TPR: variants seen among roughly 807,000 people sequenced by gnomAD.
The protein encoded by TPR is nucleoprotein TPR.
A neutral mutation model predicts 316.1 loss-of-function variants in TPR; 51 were observed. The observed-to-expected ratio is 0.16, with a 90% CI of 0.13 to 0.20. TPR has a LOEUF of 0.20. Among genes scored for constraint, TPR ranks in the 10% least tolerant of loss-of-function variants. The probability of loss-of-function intolerance (pLI) is 1.00; values close to 1 mark genes in which losing one functional copy is unlikely to be tolerated. For synonymous variants in TPR, 981 were observed against 914.7 expected (o/e 1.07, Z -1.31); for missense variants, 2,272 against 2,754.8 (o/e 0.82, Z 3.92).
chr1:186,373,596 G>A (rs1659597654), intron 1 of TPR, 133 bp from the exon 2 acceptor site: 2 of 501,184 alleles, frequency 4.0e-6, no homozygotes, highest in East Asian at 3.0e-5. Flanking sequence ...CCACATAAGA[G>A]AATCTGAGTA....
At chr1:186,337,971 G>C in intron 31 of TPR, 62 bp downstream of exon 31, 1 of 1,348,642 alleles carries the variant, frequency 7.4e-7, no homozygotes. Context: ...AAATTACAAA[G>C]AAATAAGATT....
intron 21 of TPR, among the ~76,000 whole-genome samples, chr1:186,349,781 T>C (rs1658803937): frequency 6.6e-6 from 1 of 152,134 alleles, no homozygotes; most frequent in Non-Finnish European, 1.5e-5. Flanking sequence ...ACAAATCTTT[T>C]ACCTGAGGCT....
rs777337605 is a variant in TPR, at chr1:186,363,409, C to T, written c.464G>A (p.Ser155Asn). Residue 155 changes from serine to asparagine, a missense_variant, in exon 5 of 51, where the codon AGC becomes AAC. This residue lies in a region of TPR where 549 missense variants were observed against 598.6 expected (regional missense o/e 0.92). Transcript: ENST00000367478. Reference sequence around the variant, plus strand: ...CTGAAGTTCACCCTTTGTTGTATTGCTTTCTTTAAGTTTTTCATTCAGACG... The same window carrying T: ...CTGAAGTTCACCCTTTGTTGTATTGTTTTCTTTAAGTTTTTCATTCAGACG... ...VKRLNEKLKESNTTKGELQLK... is the reference protein window; with the variant it reads ...VKRLNEKLKENNTTKGELQLK... 2.2e-5 allele frequency: 35 copies of T among 1,612,342 alleles called. No homozygotes were observed. The highest frequency in any genetic ancestry group is 2.9e-5 in the Non-Finnish European group (34 of 1,179,034).
chr1:186,362,986 A>G lies in TPR; in HGVS notation c.547T>C (p.Leu183=). The stretch of plus-strand genomic sequence containing the variant: ...TGTAGCAATTCCTTTTCTTGCTCCA[A>G]GCGTTTTTCTCGATACTAAAGAAAT... ...DVSVKYREKR[L]EQEKELLHSQ... Residue 183 remains leucine (L), a synonymous_variant, in exon 6 of 51, where the codon TTG becomes CTG. Coordinates refer to ENST00000367478, the MANE Select transcript of TPR (RefSeq NM_003292.3). 1.3e-5 allele frequency: 21 copies of G among 1,601,888 alleles called. No individual in the cohort carries two copies. The highest frequency in any genetic ancestry group is 1.7e-4 in the Middle Eastern group (1 of 6,030).
intron 49 of TPR, among the ~76,000 whole-genome samples, 193 bp downstream of exon 49, chr1:186,317,289 T>C (rs1226682046): frequency 6.6e-6 from 1 of 152,354 alleles, no homozygotes; most frequent in Non-Finnish European, 1.5e-5. Flanking sequence ...TTTCTTATTA[T>C]TGATGCCAGA....
At chr1:186,347,246 T>A in intron 22 of TPR, 46 bp downstream of exon 22, 2 of 1,597,084 alleles carry the variant, frequency 1.3e-6, no homozygotes, top group Non-Finnish European at 1.7e-6. Context: ...AAAACAAAGT[T>A]AACAAATGTG....
chr1:186,373,229 C>A, intron 2 of TPR, 130 bp downstream of exon 2: 3 of 572,758 alleles, frequency 5.2e-6, no homozygotes, highest in Non-Finnish European at 8.6e-6. Flanking sequence ...AAAATATCAC[C>A]ATAATAAAAA....
chr1:186,335,391 G>A lies in TPR; in HGVS notation c.4858C>T (p.His1620Tyr). 6.2e-7 allele frequency: 1 copy of A among 1,613,762 alleles called. No homozygotes were observed. The change falls in exon 34 of 51, where the codon CAT becomes TAT. Residue 1620 changes from histidine (H) to tyrosine (Y), a missense_variant. Around this residue, in one of 10 missense-constraint regions of TPR, gnomAD observed 109 missense variants for 215.3 expected, o/e 0.51. Coordinates refer to ENST00000367478, the MANE Select transcript of TPR (RefSeq NM_003292.3). The part of the protein sequence containing the change: ...ISRLERELRE[H>Y]QERHLEQRDE... ...CTCTGCTCAAGGTGTCTCTCTTGAT[G>A]CTCCCTGAGTTCTCTTTCCAAGCGA...
At chr1:186,361,411 C>T (rs1336818221) in intron 9 of TPR, among the ~76,000 whole-genome samples, 5 of 151,754 alleles carry the variant, frequency 3.3e-5, no homozygotes, top group Non-Finnish European at 7.4e-5. Context: ...ACAAACAAAA[C>T]CCCCTGCTGT....
Position 186,313,476 on chromosome 1 carries a change from GAA to G in TPR, c.*493_*494del. The G allele has an allele frequency of 1.2e-5, 6 of 520,656 alleles. No homozygotes were observed. In the East Asian group the frequency reaches 1.9e-4, roughly 17 times the overall value. 32.3% of individuals were successfully genotyped at this position (520,656 alleles called of 1,614,324 possible). Reference sequence around the variant, plus strand: ...GAACCTGATTTTACAAAAAGATGGTGAAATGTCAATCTTTTGAAACATCAAAA... The same window carrying G: ...GAACCTGATTTTACAAAAAGATGGTGATGTCAATCTTTTGAAACATCAAAA... On this transcript the variant is annotated 3_prime_UTR_variant, in exon 51 of 51. Transcript: ENST00000367478.
rs115820629 is a variant in TPR at position 186,332,723 on chromosome 1, A to G, written c.5456-380T>C. Reference sequence around the variant, plus strand: ...TTGAATAAGAAAAAATGTACACTGTATGTAAATCAGTATATAGTCTTATCT... The same window carrying G: ...TTGAATAAGAAAAAATGTACACTGTGTGTAAATCAGTATATAGTCTTATCT... On this transcript the variant is annotated intron_variant, in intron 37 of 50. Transcript: ENST00000367478. Among the ~76,000 whole-genome samples, 898 of 152,282 alleles carry G rather than the reference A, an allele frequency of 5.9e-3. 12 individuals are homozygous for G. The highest frequency in any genetic ancestry group is 0.02 in the African/African-American group (842 of 41,560).
Position 186,323,732 on chromosome 1 carries a change from C to T in TPR, c.6251G>A (p.Arg2084Lys). ...PRRPPHPLPP[R>K]LTIHAPPQEL... ...CTGAGGTGGGGCATGAATGGTCAGT[C>T]TTGGGGGAAGTGGATGTGGTGGGCG... The change falls in exon 43 of 51, where the codon AGA becomes AAA. Residue 2084 changes from arginine (R) to lysine (K), a missense_variant. Arg to Lys is a conservative substitution (Grantham distance 26). Around this residue, in one of 10 missense-constraint regions of TPR, gnomAD observed 435 missense variants for 461.1 expected, o/e 0.94. Coordinates refer to ENST00000367478, the MANE Select transcript of TPR (RefSeq NM_003292.3). The T allele has an allele frequency of 1.3e-6, 2 of 1,535,272 alleles. No individual in the cohort carries two copies. Among genetic ancestry groups the T allele is most frequent in the Non-Finnish European group, 1.7e-6 (2 of 1,152,714 alleles).
At chr1:186,339,293 A>G (rs1379302417) in intron 30 of TPR, among the ~76,000 whole-genome samples, 1 of 152,076 alleles carries the variant, frequency 6.6e-6, no homozygotes, top group Non-Finnish European at 1.5e-5. Flanking sequence ...AGCCAAAGTA[A>G]TAAAACCCAC....
intron 3 of TPR, among the ~76,000 whole-genome samples, chr1:186,368,843 T>C (rs1017826781): frequency 6.6e-6 from 1 of 152,264 alleles, no homozygotes; most frequent in East Asian, 1.9e-4. Context: ...TCAAGAACCT[T>C]TCCCCTATGT....
At chr1:186,331,443 C>G in intron 39 of TPR, 55 bp downstream of exon 39, 1 of 1,239,028 alleles carries the variant, frequency 8.1e-7, no homozygotes, top group Non-Finnish European at 1.1e-6. Context: ...TTTGTCAAAG[C>G]TAATTTCATT....
rs775370572 is a variant in TPR, at chr1:186,327,411, C to T, written c.5889+49G>A. On this transcript the variant is annotated intron_variant, in intron 40 of 50. Transcript: ENST00000367478. Reference sequence around the variant, plus strand: ...CATTAGTATCCCAAGGATTTGAGCACTTTCATCCAATAGTTTAAAAACACT... The same window carrying T: ...CATTAGTATCCCAAGGATTTGAGCATTTTCATCCAATAGTTTAAAAACACT... The T allele has an allele frequency of 8.8e-6, 14 of 1,584,770 alleles. No individual in the cohort carries two copies. The Admixed American group carries it at 2.3e-4, about 26-fold the overall frequency.
chr1:186,315,292 TAATA>T (rs1262915450), intron 49 of TPR, among the ~76,000 whole-genome samples: 2 of 151,672 alleles, frequency 1.3e-5, no homozygotes, highest in Non-Finnish European at 2.9e-5. Flanking sequence ...TCACTTATAT[TAATA>T]AATATTTACT....
chr1:186,337,041 A>T lies in TPR; in HGVS notation c.4478T>A (p.Leu1493His). The T allele has an allele frequency of 1.9e-6, 3 of 1,613,834 alleles. No individual in the cohort carries two copies. Among genetic ancestry groups the T allele is most frequent in the Non-Finnish European group, 2.5e-6 (3 of 1,179,784 alleles). ...CTGCAGATTCTCTACTTGACTTTCA[A>T]GTGATTTTGATTTTGTTTCAGCTTG... ...LNQAETKSKS[L>H]ESQVENLQKT... Residue 1493 changes from leucine (L) to histidine (H), a missense_variant, in exon 32 of 51, where the codon CTT becomes CAT. Leu to His is a moderately conservative substitution (Grantham distance 99, BLOSUM62 -3). Coordinates refer to ENST00000367478, the MANE Select transcript of TPR (RefSeq NM_003292.3).
chr1:186,343,142 G>T, intron 27 of TPR, 184 bp downstream of exon 27: 2 of 614,042 alleles, frequency 3.3e-6, no homozygotes, highest in Non-Finnish European at 4.8e-6. Flanking sequence ...CAGGCAGTTT[G>T]GTTACAGAGC....
Sources: allele counts gnomAD v4.1 joint callset (sites outside exome capture counted in the v4.1 genomes callset), GRCh38; gene constraint gnomAD v4.1.1; regional missense constraint gnomAD v4.1.1; transcripts MANE v1.5; gene names NCBI Gene and HGNC (gene_info 2026-07-23, HGNC 2026-07-21).